ACO1: variants seen among roughly 807,000 people sequenced by gnomAD.
The protein encoded by ACO1 is cytoplasmic aconitate hydratase.
In ACO1, 78 loss-of-function variants were observed where a neutral mutation model predicts 105.1. The observed-to-expected ratio is 0.74, with a 90% CI of 0.62 to 0.90. ACO1 has a LOEUF of 0.90. Among genes scored for constraint, ACO1 ranks in the 40% least tolerant of loss-of-function variants. The probability of loss-of-function intolerance (pLI) is 0.00; values close to 1 mark genes in which losing one functional copy is unlikely to be tolerated. For synonymous variants in ACO1, 364 were observed against 397.4 expected, an observed-to-expected ratio of 0.92 and a Z score of 1.00; for missense variants, 965 against 1,111.1, an observed-to-expected ratio of 0.87 and a Z score of 1.87.
intron 1 of ACO1, among the ~76,000 whole-genome samples, chr9:32,393,184 A>C (rs1004348031): frequency 6.6e-6 from 1 of 152,196 alleles, no homozygotes; most frequent in Non-Finnish European, 1.5e-5. Context: ...ACAGAGCCAT[A>C]TGTCTCTTCT....
chr9:32,450,232 G>C lies in ACO1; in HGVS notation c.*121G>C. On this transcript the variant is annotated 3_prime_UTR_variant, in exon 21 of 21. Transcript: ENST00000309951. ...GTGCTGCCTTGTAGATGGAGCAAGTGAGCACTGAGGGTCTGGTGCCAATCC... is the reference window on the plus strand; with the variant it reads ...GTGCTGCCTTGTAGATGGAGCAAGTCAGCACTGAGGGTCTGGTGCCAATCC... 1.3e-6 allele frequency: 1 copy of C among 793,080 alleles called. No homozygotes were observed. The highest frequency in any genetic ancestry group is 1.7e-5 in the African/African-American group (1 of 59,486). 49.1% of individuals were successfully genotyped at this position (793,080 alleles called of 1,614,324 possible).
Position 32,427,447 on chromosome 9 carries a change from G to A in ACO1, c.1484+11G>A, listed in dbSNP as rs1822126093. Reference sequence around the variant, plus strand: ...TCTGTCTCAGCTTGGGTGAGGGAGAGTTTTCTTTTGCACCATTGCTTTTGT... The same window carrying A: ...TCTGTCTCAGCTTGGGTGAGGGAGAATTTTCTTTTGCACCATTGCTTTTGT... On this transcript the variant is annotated intron_variant, in intron 12 of 20. Transcript: ENST00000309951. The A allele has an allele frequency of 1.9e-6, 3 of 1,614,076 alleles. No individual in the cohort carries two copies. Among genetic ancestry groups the A allele is most frequent in the Non-Finnish European group, 2.5e-6 (3 of 1,179,976 alleles).
chr9:32,387,336 A>AT (rs1397325200), intron 1 of ACO1, among the ~76,000 whole-genome samples: 1 of 152,226 alleles, frequency 6.6e-6, no homozygotes, highest in Non-Finnish European at 1.5e-5. Context: ...GCATTTGTGC[A>AT]TATCTCTTCC....
chr9:32,400,961 T>C (rs896882167), intron 1 of ACO1, among the ~76,000 whole-genome samples: 8 of 142,420 alleles, frequency 5.6e-5, no homozygotes, highest in Admixed American at 1.4e-4. Flanking sequence ...TTTTTTTTTT[T>C]CACTTAAATC....
chr9:32,426,052 C>A, intron 11 of ACO1, 55 bp downstream of exon 11: 1 of 1,572,872 alleles, frequency 6.4e-7, no homozygotes. Flanking sequence ...GTGGAAATAG[C>A]CCGAGACAGG....
intron 1 of ACO1, among the ~76,000 whole-genome samples, chr9:32,390,725 A>G (rs552972040): frequency 7.2e-5 from 11 of 152,312 alleles, no homozygotes; most frequent in African/African-American, 2.6e-4. Flanking sequence ...ATTTTAAAAG[A>G]TTTTAAAGAA....
intron 19 of ACO1, among the ~76,000 whole-genome samples, chr9:32,444,252 C>A (rs1822549273): frequency 6.6e-6 from 1 of 152,190 alleles, no homozygotes; most frequent in African/African-American, 2.4e-5. Flanking sequence ...GGTTCCAGGT[C>A]TTTGCTATTG....
chr9:32,407,397 T>G lies in ACO1; in HGVS notation c.234T>G (p.Phe78Leu). Reference protein sequence around the residue: ...VTQHKNIEVPFKPARVILQDF... With the variant: ...VTQHKNIEVPLKPARVILQDF... ...AGCACAAGAACATAGAAGTGCCATT[T>G]AAGCCTGCTCGTGTCATCCTGCAGG... is the stretch of plus-strand genomic sequence containing the variant. The change falls in exon 3 of 21, where the codon TTT becomes TTG. Residue 78 changes from phenylalanine to leucine, a missense_variant. Coordinates refer to ENST00000309951, the MANE Select transcript of ACO1 (RefSeq NM_002197.3). The G allele has an allele frequency of 1.2e-6, 2 of 1,614,168 alleles. No individual in the cohort carries two copies. The highest frequency in any genetic ancestry group is 1.7e-6 in the Non-Finnish European group (2 of 1,179,998).
chr9:32,400,685 T>C (rs1343106664), intron 1 of ACO1, among the ~76,000 whole-genome samples: 1 of 152,232 alleles, frequency 6.6e-6, no homozygotes, highest in African/African-American at 2.4e-5. Context: ...TCTCATTTTA[T>C]AGAGATGCTA....
chr9:32,387,241 A>C (rs1821174030), intron 1 of ACO1, among the ~76,000 whole-genome samples: 1 of 152,204 alleles, frequency 6.6e-6, no homozygotes, highest in Non-Finnish European at 1.5e-5. Context: ...TCTGGGTCTC[A>C]GTGTCTTTGA....
At chr9:32,440,184 T>C (rs148306703) in intron 18 of ACO1, among the ~76,000 whole-genome samples, 1 of 151,872 alleles carries the variant, frequency 6.6e-6, no homozygotes, top group Non-Finnish European at 1.5e-5. Flanking sequence ...GGAGAATCAA[T>C]TGAAACCCGG....
intron 2 of ACO1, 70 bp downstream of exon 2, chr9:32,405,673 C>T: frequency 8.6e-7 from 1 of 1,159,690 alleles, no homozygotes; most frequent in Non-Finnish European, 1.2e-6. Flanking sequence ...ATTAATTACA[C>T]TTGAGGAGAG....
chr9:32,408,646 CAGA>C lies in ACO1; in HGVS notation c.402_404del (p.Arg135del), dbSNP rs765069096. 3.7e-6 allele frequency: 6 copies of C among 1,614,026 alleles called. No homozygotes were observed. In the South Asian group the frequency reaches 6.6e-5, roughly 18 times the overall value. On this transcript the variant is annotated inframe_deletion and splice_region_variant, in exon 4 of 21. Transcript: ENST00000309951. ...ATCATTCCATCCAGGTTGATTTCAA[CAGA>C]AGGTGAGAGATTAAAACGAATACCT...
intron 7 of ACO1, among the ~76,000 whole-genome samples, chr9:32,419,832 TA>T (rs1010632227): frequency 4.6e-5 from 7 of 152,364 alleles, no homozygotes; most frequent in Admixed American, 1.3e-4. Context: ...GCTTGTTTTG[TA>T]AAAAGGCCAT....
intron 1 of ACO1, among the ~76,000 whole-genome samples, chr9:32,402,117 C>A (rs1253841193): frequency 6.6e-6 from 1 of 152,228 alleles, no homozygotes. Flanking sequence ...TGACAAGCGT[C>A]CCGGAGGGAC....
chr9:32,439,241 G>T lies in ACO1; in HGVS notation c.2248-1224G>T, dbSNP rs1822427428. On this transcript the variant is annotated intron_variant, in intron 18 of 20. Coordinates refer to ENST00000309951, the MANE Select transcript of ACO1 (RefSeq NM_002197.3). This position sits in a 1 kb window ranked among gnomAD's most constrained non-coding sequence, Gnocchi z 4.0. ...AATATCAGATAAGTTGTTTCTTTCT[G>T]GTCTTTGAAAGGATCCAGACAATTC... 6.6e-6 allele frequency among the ~76,000 whole-genome samples: 1 copy of T among 152,084 alleles called. No individual in the cohort carries two copies. Among genetic ancestry groups the T allele is most frequent in the Non-Finnish European group, 1.5e-5 (1 of 68,008 alleles).
At chr9:32,393,164 CG>C (rs890385053) in intron 1 of ACO1, among the ~76,000 whole-genome samples, 2 of 151,986 alleles carry the variant, frequency 1.3e-5, no homozygotes, top group African/African-American at 4.8e-5. Context: ...GCCGGTGAGC[CG>C]GGGGGGAAAC....
At position 32,444,929 on chromosome 9, in the gene ACO1, A is replaced by G. The variant is rs535221262; in HGVS notation, c.2371-3967A>G. Among the ~76,000 whole-genome samples the G allele has an allele frequency of 3.3e-3, 508 of 152,234 alleles. 1 individual carries two copies. Among genetic ancestry groups the G allele is most frequent in the Non-Finnish European group, 4.6e-3 (313 of 68,022 alleles). ...TGATGGATTACATTTATTGAATTGCATATGTTGAACCAGCCTTGCATCCCA... is the reference window on the plus strand; with the variant it reads ...TGATGGATTACATTTATTGAATTGCGTATGTTGAACCAGCCTTGCATCCCA... On this transcript the variant is annotated intron_variant, in intron 19 of 20. Coordinates refer to ENST00000309951, the MANE Select transcript of ACO1 (RefSeq NM_002197.3).
chr9:32,440,229 C>T (rs1271598629), intron 18 of ACO1, among the ~76,000 whole-genome samples: 1 of 150,862 alleles, frequency 6.6e-6, no homozygotes, highest in African/African-American at 2.4e-5. Context: ...GATCGTGCCA[C>T]TGCACTCCAG....
Sources: gnomAD v4.1 joint callset for allele counts (sites outside exome capture counted in the v4.1 genomes callset) on GRCh38, gnomAD v4.1.1 for gene constraint, Gnocchi (gnomAD v3.1) non-coding constraint, MANE v1.5 for transcripts, NCBI Gene and HGNC (gene_info 2026-07-23, HGNC 2026-07-21) for gene names.